ST8SIA4: variants seen among roughly 807,000 people sequenced by gnomAD.
ST8SIA4 encodes CMP-N-acetylneuraminate-poly-alpha-2,8-sialyltransferase.
A neutral mutation model predicts 33.9 loss-of-function variants in ST8SIA4; 15 were observed. That is an observed-to-expected ratio of 0.44 (90% CI 0.30 to 0.68). The LOEUF (loss-of-function observed/expected upper bound fraction) is 0.68, where lower values mean the gene tolerates loss of function less well. Ranked by LOEUF, ST8SIA4 falls within the 30% of genes least tolerant of loss-of-function variation. The pLI is 0.10. For synonymous variants in ST8SIA4, 171 were observed against 151.2 expected (o/e 1.13, Z -0.96); for missense variants, 321 against 428.0 (o/e 0.75, Z 2.21).
At chr5:100,853,751 C>T (rs1252431773) in intron 4 of ST8SIA4, among the ~76,000 whole-genome samples, 3 of 152,132 alleles carry the variant, frequency 2.0e-5, no homozygotes, top group Non-Finnish European at 1.5e-5. Flanking sequence ...TCATATATAA[C>T]ACTATCTGGA....
chr5:100,836,137 G>A (rs987317309), intron 4 of ST8SIA4, among the ~76,000 whole-genome samples: 1 of 152,108 alleles, frequency 6.6e-6, no homozygotes, highest in Non-Finnish European at 1.5e-5. Context: ...TTTCAGTGAT[G>A]TATTAATTAG....
chr5:100,900,941 C>T (rs534869172), intron 1 of ST8SIA4, among the ~76,000 whole-genome samples: 20 of 152,322 alleles, frequency 1.3e-4, no homozygotes, highest in African/African-American at 3.8e-4. Flanking sequence ...AGCGCCTGCC[C>T]CAACGCCTTC....
chr5:100,887,883 G>A (rs1752573918), intron 2 of ST8SIA4, among the ~76,000 whole-genome samples: 1 of 152,022 alleles, frequency 6.6e-6, no homozygotes, highest in Admixed American at 6.6e-5. Flanking sequence ...ATCTGGCAGT[G>A]CCTGTAATCT....
At chr5:100,864,231 C>T (rs753587676) in intron 3 of ST8SIA4, among the ~76,000 whole-genome samples, 19 of 151,948 alleles carry the variant, frequency 1.3e-4, no homozygotes, top group Non-Finnish European at 1.3e-4. Flanking sequence ...ATAAGTAATA[C>T]GGAGGGTAAA....
chr5:100,849,909 C>T (rs149301918), intron 4 of ST8SIA4, among the ~76,000 whole-genome samples: 10 of 152,226 alleles, frequency 6.6e-5, no homozygotes, highest in Admixed American at 2.0e-4. Context: ...TAATTCCAGG[C>T]AAATCTAAGG....
intron 3 of ST8SIA4, among the ~76,000 whole-genome samples, chr5:100,870,093 G>A (rs550962390): frequency 9.2e-5 from 14 of 152,208 alleles, no homozygotes; most frequent in Middle Eastern, 3.4e-3. Context: ...GAGAACATGC[G>A]GAGTTTGGTT....
chr5:100,869,283 A>G (rs1752145722), intron 3 of ST8SIA4, among the ~76,000 whole-genome samples: 2 of 152,164 alleles, frequency 1.3e-5, no homozygotes, highest in South Asian at 4.1e-4. Flanking sequence ...TTATTTACAG[A>G]TAAGTATGAT....
intron 4 of ST8SIA4, chr5:100,849,468 C>T: frequency 1.0e-6 from 1 of 985,082 alleles, no homozygotes; most frequent in Non-Finnish European, 1.2e-6. Context: ...CTGCAAAATA[C>T]ATATGTGAGC....
At chr5:100,899,619 A>C (rs1230836553) in intron 1 of ST8SIA4, among the ~76,000 whole-genome samples, 1 of 152,232 alleles carries the variant, frequency 6.6e-6, no homozygotes, top group Non-Finnish European at 1.5e-5. Flanking sequence ...AACCAGAAAA[A>C]TAGTGTGTAG....
intron 4 of ST8SIA4, among the ~76,000 whole-genome samples, chr5:100,836,075 G>A (rs975855386): frequency 1.3e-5 from 2 of 152,062 alleles, no homozygotes; most frequent in Non-Finnish European, 2.9e-5. Flanking sequence ...AATACCTTGA[G>A]AGAGAAATGA....
intron 2 of ST8SIA4, 46 bp from the exon 3 acceptor site, chr5:100,886,646 C>G: frequency 6.9e-7 from 1 of 1,449,650 alleles, no homozygotes; most frequent in East Asian, 2.3e-5. Flanking sequence ...ATCAGCATAT[C>G]CAAGAACTGA....
chr5:100,881,525 T>TG (rs1005433347), intron 3 of ST8SIA4, among the ~76,000 whole-genome samples: 4 of 152,144 alleles, frequency 2.6e-5, no homozygotes, highest in Non-Finnish European at 4.4e-5. Context: ...TTTTAAAGTT[T>TG]GGATGTAAAT....
At chr5:100,838,979 A>G (rs969711081) in intron 4 of ST8SIA4, among the ~76,000 whole-genome samples, 1 of 151,914 alleles carries the variant, frequency 6.6e-6, no homozygotes, top group Admixed American at 6.6e-5. Context: ...CTTGCACTTA[A>G]AAGAGAACAT....
At chr5:100,869,025 G>A (rs1349087610) in intron 3 of ST8SIA4, among the ~76,000 whole-genome samples, 3 of 152,000 alleles carry the variant, frequency 2.0e-5, no homozygotes, top group Non-Finnish European at 4.4e-5. Flanking sequence ...CTAGTTCTGT[G>A]AGTACCTTTA....
intron 3 of ST8SIA4, among the ~76,000 whole-genome samples, chr5:100,863,922 A>C (rs1752004854): frequency 6.6e-6 from 1 of 152,222 alleles, no homozygotes; most frequent in Admixed American, 6.5e-5. Context: ...ACAGAAAAGA[A>C]TCTGTAAAAT....
chr5:100,852,178 T>A (rs894965349), intron 4 of ST8SIA4, among the ~76,000 whole-genome samples: 3 of 135,978 alleles, frequency 2.2e-5, no homozygotes, highest in Non-Finnish European at 4.6e-5. Flanking sequence ...TGGAGTGCAG[T>A]AGCATGAGCT....
intron 3 of ST8SIA4, among the ~76,000 whole-genome samples, chr5:100,863,711 T>G (rs1243495201): frequency 6.6e-6 from 1 of 152,196 alleles, no homozygotes; most frequent in Non-Finnish European, 1.5e-5. Context: ...AAGCATTATC[T>G]CAAAATATTA....
Position 100,889,309 on chromosome 5 carries a change from G to A in ST8SIA4, c.246-2709C>T, listed in dbSNP as rs948633161. 2.6e-5 allele frequency among the ~76,000 whole-genome samples: 4 copies of A among 151,842 alleles called. No individual in the cohort carries two copies. In the East Asian group the frequency reaches 7.7e-4, roughly 29 times the overall value. On this transcript the variant is annotated intron_variant, in intron 2 of 4. Transcript: ENST00000231461. ...AAACGACAAGGCTGGCTCTAAAATAGAGACTACACGGATGTGGTTAAATCA... is the reference window on the plus strand; with the variant it reads ...AAACGACAAGGCTGGCTCTAAAATAAAGACTACACGGATGTGGTTAAATCA...
chr5:100,871,771 CT>C (rs1233013044), intron 3 of ST8SIA4, among the ~76,000 whole-genome samples: 2 of 152,002 alleles, frequency 1.3e-5, no homozygotes, highest in Non-Finnish European at 2.9e-5. Flanking sequence ...ACAGTTTGTG[CT>C]TTTCTTTACT....
Sources: allele counts gnomAD v4.1 joint callset (sites outside exome capture counted in the v4.1 genomes callset), GRCh38; gene constraint gnomAD v4.1.1; transcripts MANE v1.5; gene names NCBI Gene and HGNC (gene_info 2026-07-23, HGNC 2026-07-21).